Variants in AKAP12 observed in about 807,000 individuals in gnomAD.
AKAP12 encodes the protein A-kinase anchoring protein 12.
Under a neutral mutation model 79.9 loss-of-function variants are expected in AKAP12, and 32 were observed. The observed-to-expected ratio is 0.40, with a 90% CI of 0.30 to 0.54. The LOEUF (loss-of-function observed/expected upper bound fraction) is 0.54. Ranked by LOEUF, AKAP12 falls within the 20% of genes least tolerant of loss-of-function variation. The probability of loss-of-function intolerance (pLI) is 0.48; values close to 1 mark genes in which losing one functional copy is unlikely to be tolerated. For synonymous variants in AKAP12, 808 were observed against 857.0 expected (o/e 0.94, Z 1.00); for missense variants, 2,074 against 2,177.0 (o/e 0.95, Z 0.94).
intron 2 of AKAP12, among the ~76,000 whole-genome samples, chr6:151,261,801 AG>A (rs997659290): frequency 6.8e-6 from 1 of 147,506 alleles, no homozygotes; most frequent in Non-Finnish European, 1.5e-5. Flanking sequence ...CTTGTTCCCC[AG>A]GGTGGAGTGC....
chr6:151,324,048 C>T, intron 3 of AKAP12: 1 of 985,424 alleles, frequency 1.0e-6, no homozygotes, highest in Non-Finnish European at 1.2e-6. Flanking sequence ...GAGGAATGGC[C>T]AAGTTGCCCT....
chr6:151,255,358 T>G (rs1797271868), intron 2 of AKAP12, among the ~76,000 whole-genome samples: 1 of 152,040 alleles, frequency 6.6e-6, no homozygotes, highest in South Asian at 2.1e-4. Flanking sequence ...GAGACGAGGC[T>G]TCTCCATGTT....
intron 3 of AKAP12, among the ~76,000 whole-genome samples, chr6:151,344,614 A>G (rs1778036592): frequency 6.7e-6 from 1 of 150,118 alleles, no homozygotes; most frequent in African/African-American, 2.5e-5. Context: ...GCTCACTGCA[A>G]CCTCTGCCTC....
chr6:151,318,054 A>G (rs1443942520), intron 3 of AKAP12, among the ~76,000 whole-genome samples: 5 of 152,206 alleles, frequency 3.3e-5, no homozygotes, highest in Non-Finnish European at 5.9e-5. Flanking sequence ...CTAAACGTAC[A>G]TGTCGAAATC....
In AKAP12 at chr6:151,351,268, G is replaced by A; in HGVS notation, c.2877G>A (p.Glu959=). 2 of 1,614,214 alleles carry A rather than the reference G, an allele frequency of 1.2e-6. No homozygotes were observed. Among genetic ancestry groups the A allele is most frequent in the Non-Finnish European group, 1.7e-6 (2 of 1,180,048 alleles). Residue 959 remains glutamate (E), a synonymous_variant, in exon 4 of 5, where the codon GAG becomes GAA. Transcript: ENST00000402676. The surrounding 1 kb of genome is among the most constrained non-coding windows in gnomAD (Gnocchi z 4.4). ...TVTEPLPENR[E]ARGDTVVSEA... is the part of the protein sequence containing the mutation. ...CTGAACCTCTGCCAGAGAACAGAGA[G>A]GCCCGGGGCGACACGGTCGTTAGTG...
chr6:151,337,432 T>C (rs1777843153), intron 3 of AKAP12, among the ~76,000 whole-genome samples: 1 of 149,178 alleles, frequency 6.7e-6, no homozygotes, highest in South Asian at 2.1e-4. Flanking sequence ...GAAGAATCGC[T>C]TGAACCCAGG....
intron 2 of AKAP12, among the ~76,000 whole-genome samples, chr6:151,270,606 G>T (rs1282045740): frequency 2.6e-5 from 4 of 152,210 alleles, no homozygotes. Context: ...GGAACTGGCA[G>T]ACTTTTCCAA....
At position 151,336,608 on chromosome 6, in the gene AKAP12, G is replaced by T. The variant is rs149480443; in HGVS notation, c.320-12103G>T. Among the ~76,000 whole-genome samples the T allele has an allele frequency of 1.7e-4, 26 of 152,148 alleles. No individual in the cohort carries two copies. In the East Asian group the frequency reaches 4.4e-3, roughly 26 times the overall value. The stretch of plus-strand genomic sequence containing the variant: ...AAAAATATAAAAATTAGCCAGGCGC[G>T]GTGGCATGTGGCTGTAATCCTAGCT... On this transcript the variant is annotated intron_variant, in intron 3 of 4. Coordinates refer to ENST00000402676, the MANE Select transcript of AKAP12 (RefSeq NM_005100.4).
chr6:151,334,663 C>T (rs1278106360), intron 3 of AKAP12, among the ~76,000 whole-genome samples: 1 of 151,094 alleles, frequency 6.6e-6, no homozygotes, highest in Non-Finnish European at 1.5e-5. Context: ...GCTCTGTCGC[C>T]CAGGCTGGAG....
rs751434009 is a variant in AKAP12, at chr6:151,350,679, A to G, written c.2288A>G (p.Lys763Arg). 1.2e-6 allele frequency: 2 copies of G among 1,613,910 alleles called. No individual in the cohort carries two copies. The highest frequency in any genetic ancestry group is 1.7e-6 in the Non-Finnish European group (2 of 1,179,966). ...GEGVSTWESF[K>R]RLVTPRKKSK... ...GGCGTTTCCACCTGGGAGTCATTTA[A>G]AAGGTTAGTCACGCCAAGAAAAAAA... Residue 763 changes from lysine (K) to arginine (R), a missense_variant, in exon 4 of 5, where the codon AAA (lysine) becomes AGA (arginine). Around this residue, in one of 3 missense-constraint regions of AKAP12, gnomAD observed 1,428 missense variants for 1,451.0 expected, o/e 0.98. Transcript: ENST00000402676. The surrounding 1 kb of genome is among the most constrained non-coding windows in gnomAD (Gnocchi z 4.8).
chr6:151,260,103 C>G (rs1346530669), intron 2 of AKAP12, among the ~76,000 whole-genome samples: 1 of 152,122 alleles, frequency 6.6e-6, no homozygotes, highest in African/African-American at 2.4e-5. Context: ...TATAAACATA[C>G]AGTCTCTTTT....
rs528695238 is a variant in AKAP12, at chr6:151,351,055, G to A, written c.2664G>A (p.Gln888=). 6 of 1,614,178 alleles carry A rather than the reference G, an allele frequency of 3.7e-6. No homozygotes were observed. Among genetic ancestry groups the A allele is most frequent in the East Asian group, 4.5e-5 (2 of 44,866 alleles). ...TEVSKELSES[Q]VHMMAAAVAD... ...TGTCCAAGGAGCTCAGCGAGAGTCA[G>A]GTTCATATGATGGCAGCAGCTGTCG... is the stretch of plus-strand genomic sequence containing the variant. Residue 888 remains glutamine, a synonymous_variant, in exon 4 of 5, where the codon CAG becomes CAA. Coordinates refer to ENST00000402676, the MANE Select transcript of AKAP12 (RefSeq NM_005100.4). This position sits in a 1 kb window ranked among gnomAD's most constrained non-coding sequence, Gnocchi z 4.4.
intron 3 of AKAP12, 29 bp downstream of exon 3, chr6:151,305,932 C>T: frequency 6.3e-7 from 1 of 1,577,168 alleles, no homozygotes; most frequent in Non-Finnish European, 8.6e-7. Flanking sequence ...AACTGGAAGG[C>T]ACACAGCACT....
chr6:151,248,786 A>G (rs1023771130), intron 2 of AKAP12, among the ~76,000 whole-genome samples: 2 of 152,248 alleles, frequency 1.3e-5, no homozygotes, highest in South Asian at 4.2e-4. Context: ...TCAGCAGTTC[A>G]AGACCAGCCT....
rs751277305 is a variant in AKAP12, at chr6:151,353,548, C to G, written c.5157C>G (p.Ala1719=). The G allele has an allele frequency of 5.6e-6, 9 of 1,614,010 alleles. No homozygotes were observed. Among genetic ancestry groups the G allele is most frequent in the Non-Finnish European group, 7.6e-6 (9 of 1,180,020 alleles). ...ACTCAGCCCTGGCTGATACTGATGC[C>G]TCAGGAGGCTTAACCAAAGAGTCCC... ...NQNSALADTD[A]SGGLTKESPD... The change falls in exon 4 of 5, where the codon GCC becomes GCG. Residue 1719 remains alanine (A), a synonymous_variant. Coordinates refer to ENST00000402676, the MANE Select transcript of AKAP12 (RefSeq NM_005100.4).
chr6:151,260,906 C>T (rs543435939), intron 2 of AKAP12, among the ~76,000 whole-genome samples: 6 of 152,214 alleles, frequency 3.9e-5, no homozygotes, highest in East Asian at 1.9e-4. Context: ...ACAGGAGAAT[C>T]GCTTGAACCG....
Position 151,356,276 on chromosome 6 carries a change from A to G in AKAP12, c.*562A>G, listed in dbSNP as rs1562758279. ...TTCCTGATCAAGGTACAATTCTTTA[A>G]AATTCACTAATGATTGAGGTCCATA... On this transcript the variant is annotated 3_prime_UTR_variant, in exon 5 of 5. Coordinates refer to ENST00000402676, the MANE Select transcript of AKAP12 (RefSeq NM_005100.4). The G allele has an allele frequency of 6.6e-6, 1 of 152,600 alleles. No individual in the cohort carries two copies. Among genetic ancestry groups the G allele is most frequent in the Non-Finnish European group, 1.5e-5 (1 of 68,044 alleles). 9.5% of individuals were successfully genotyped at this position (152,600 alleles called of 1,614,324 possible). A position where few individuals can be genotyped will look rare whatever the true frequency, so the allele number is the denominator to read the frequency against.
chr6:151,246,493 G>T (rs1356008311), intron 2 of AKAP12, among the ~76,000 whole-genome samples: 3 of 152,188 alleles, frequency 2.0e-5, no homozygotes, highest in African/African-American at 7.2e-5. Context: ...CTACCACTTT[G>T]CAGTTCCACC....
intron 2 of AKAP12, among the ~76,000 whole-genome samples, chr6:151,305,496 G>C (rs1776959201): frequency 6.6e-6 from 1 of 152,128 alleles, no homozygotes; most frequent in African/African-American, 2.4e-5. Flanking sequence ...GTATGTATCT[G>C]GTGTTCCAAT....
Sources: gnomAD v4.1 joint callset for allele counts (sites outside exome capture counted in the v4.1 genomes callset) on GRCh38, gnomAD v4.1.1 for gene constraint, gnomAD v4.1.1 regional missense constraint, Gnocchi (gnomAD v3.1) non-coding constraint, MANE v1.5 for transcripts, NCBI Gene and HGNC (gene_info 2026-07-23, HGNC 2026-07-21) for gene names.